Variants in PANK2 observed in about 807,000 individuals in gnomAD.
PANK2 encodes the protein pantothenate kinase 2.
Under a neutral mutation model 43.1 loss-of-function variants are expected in PANK2, and 36 were observed. That is an observed-to-expected ratio of 0.84 (90% CI 0.64 to 1.10). PANK2 has a LOEUF of 1.10. PANK2 is among the 50% of genes least tolerant of loss of function. The pLI, the probability that PANK2 is intolerant of heterozygous loss-of-function variation, is 0.00. For synonymous variants in PANK2, 281 were observed against 238.2 expected, an observed-to-expected ratio of 1.18 and a Z score of -1.66; for missense variants, 576 against 593.3, an observed-to-expected ratio of 0.97 and a Z score of 0.30.
intron 1 of PANK2, among the ~76,000 whole-genome samples, chr20:3,898,645 A>G (rs995333527): frequency 7.2e-5 from 11 of 152,040 alleles, no homozygotes; most frequent in Admixed American, 2.0e-4. Flanking sequence ...TTCCTTTTTA[A>G]TCCCAGAGTT....
In PANK2 at chr20:3,912,612, C is replaced by T; in HGVS notation, c.1060C>T (p.Pro354Ser). 1 of 1,613,916 alleles carries T rather than the reference C, an allele frequency of 6.2e-7. No homozygotes were observed. Among genetic ancestry groups the T allele is most frequent in the Non-Finnish European group, 8.5e-7 (1 of 1,179,956 alleles). Residue 354 changes from proline (P) to serine (S), a missense_variant, in exon 4 of 7, where the codon CCA (proline) becomes TCA (serine). Physicochemically the swap from Pro to Ser is moderately conservative, Grantham distance 74. Around this residue, in one of 2 missense-constraint regions of PANK2, gnomAD observed 544 missense variants for 528.9 expected, o/e 1.03. Transcript: ENST00000610179. ...AGGGGACTATGAGAGGTTTGGACTG[C>T]CAGGCTGGGCTGTGGCTTCAAGGTA...
At chr20:3,920,110 A>G (rs1483393177) in intron 6 of PANK2, among the ~76,000 whole-genome samples, 1 of 152,126 alleles carries the variant, frequency 6.6e-6, no homozygotes, top group African/African-American at 2.4e-5. Context: ...TTTGCTTTAT[A>G]TTAGAATTTT....
intron 6 of PANK2, among the ~76,000 whole-genome samples, chr20:3,922,365 G>A (rs1202350290): frequency 6.6e-6 from 1 of 152,186 alleles, no homozygotes. Context: ...GTTCTTGGTT[G>A]CATGTGACCT....
At chr20:3,888,943 A>AATTGT, upstream of PANK2, 1 of 576,060 alleles carries the variant, frequency 1.7e-6, no homozygotes, top group Non-Finnish European at 3.0e-6. Flanking sequence ...GCCGACGACC[A>AATTGT]GCGGCCAGAC....
chr20:3,918,937 G>A (rs985746848), intron 6 of PANK2, 141 bp downstream of exon 6: 34 of 1,402,458 alleles, frequency 2.4e-5, no homozygotes, highest in Non-Finnish European at 3.3e-5. Context: ...ACGGAGTCTC[G>A]CTCTGTCACC....
At chr20:3,906,538 A>G (rs2090388552) in intron 1 of PANK2, among the ~76,000 whole-genome samples, 1 of 152,222 alleles carries the variant, frequency 6.6e-6, no homozygotes, top group African/African-American at 2.4e-5. Flanking sequence ...ATATTAGCCT[A>G]CAGTTGGGCA....
rs143090515 is a variant in PANK2 at position 3,910,619 on chromosome 20, T to C, written c.694T>C (p.Leu232=). 41 of 1,614,156 alleles carry C rather than the reference T, an allele frequency of 2.5e-5. No homozygotes were observed. Among genetic ancestry groups the C allele is most frequent in the Non-Finnish European group, 3.4e-5 (40 of 1,180,002 alleles). ...TTGCAAACTGGATGAACTAGATTGCTTGATCAAAGGAATTTTATACATTGA... is the reference window on the plus strand; with the variant it reads ...TTGCAAACTGGATGAACTAGATTGCCTGATCAAAGGAATTTTATACATTGA... Residue 232 remains leucine (L), a synonymous_variant, in exon 3 of 7, where the codon TTG becomes CTG. Coordinates refer to ENST00000610179, the MANE Select transcript of PANK2 (RefSeq NM_001386393.1).
chr20:3,905,785 G>T (rs890635219), intron 1 of PANK2, among the ~76,000 whole-genome samples: 1 of 133,266 alleles, frequency 7.5e-6, no homozygotes, highest in Admixed American at 8.1e-5. Flanking sequence ...GTGCTGTCTT[G>T]GCTCACTGAA....
chr20:3,920,261 C>G (rs527646063), intron 6 of PANK2, among the ~76,000 whole-genome samples: 37 of 152,032 alleles, frequency 2.4e-4, no homozygotes, highest in Non-Finnish European at 4.7e-4. Context: ...TCTGTAATCC[C>G]AGCACTTTGG....
intron 4 of PANK2, among the ~76,000 whole-genome samples, chr20:3,913,897 T>C (rs1288736592): frequency 6.6e-6 from 1 of 151,796 alleles, no homozygotes; most frequent in Non-Finnish European, 1.5e-5. Context: ...CATGCCATTC[T>C]TCTGCTTCAG....
At position 3,918,619 on chromosome 20, in the gene PANK2, G is replaced by A. The variant is rs569872089; in HGVS notation, c.1207-52G>A. ...GTGCTGTATTTGGGGTAGCTTTTAT[G>A]AGAAAATAGAAATTAAGATGAAAAC... On this transcript the variant is annotated intron_variant, in intron 5 of 6. Coordinates refer to ENST00000610179, the MANE Select transcript of PANK2 (RefSeq NM_001386393.1). The A allele has an allele frequency of 8.7e-6, 14 of 1,612,036 alleles. No homozygotes were observed. In the East Asian group the frequency reaches 2.7e-4, roughly 31 times the overall value.
At chr20:3,899,202 C>T (rs1347977423) in intron 1 of PANK2, among the ~76,000 whole-genome samples, 6 of 146,176 alleles carry the variant, frequency 4.1e-5, no homozygotes, top group Non-Finnish European at 9.0e-5. Context: ...GATGGAGTCT[C>T]GCTCTGTCAT....
At position 3,892,673 on chromosome 20, in the gene PANK2, CAAA is replaced by C. The variant is rs763721845; in HGVS notation, c.298+2961_298+2963del. ...CCTGGGCGACAGAGCGACTCTGTCTCAAAAAAAAAAAAAAAAAAGCCTTACTCT... is the reference window on the plus strand; with the variant it reads ...CCTGGGCGACAGAGCGACTCTGTCTCAAAAAAAAAAAAAAAGCCTTACTCT... On this transcript the variant is annotated intron_variant, in intron 1 of 6. Coordinates refer to ENST00000610179, the MANE Select transcript of PANK2 (RefSeq NM_001386393.1). Among the ~76,000 whole-genome samples the C allele has an allele frequency of 5.4e-3, 568 of 104,350 alleles. 2 individuals carry two copies. The highest frequency in any genetic ancestry group is 0.021 in the African/African-American group (545 of 26,052). 68.5% of individuals were successfully genotyped at this position (104,350 alleles called of 152,430 possible). A position where few individuals can be genotyped will look rare whatever the true frequency, so the allele number is the denominator to read the frequency against.
chr20:3,889,352 C>T, upstream of PANK2: 1 of 1,586,042 alleles, frequency 6.3e-7, no homozygotes, highest in Non-Finnish European at 8.6e-7. Context: ...CGCGTTGGCG[C>T]AACGGAAGAG....
chr20:3,912,656 A>T, intron 4 of PANK2, 22 bp downstream of exon 4: 1 of 1,612,706 alleles, frequency 6.2e-7, no homozygotes, highest in African/African-American at 1.3e-5. Context: ...TGTGTGTTCT[A>T]AGAAATACAG....
chr20:3,921,493 A>G (rs1201089800), intron 6 of PANK2: 2 of 152,238 alleles, frequency 1.3e-5, no homozygotes, highest in African/African-American at 4.8e-5. Flanking sequence ...ATATATATAT[A>G]TAATGGTTAA....
At position 3,928,410 on chromosome 20, in the gene PANK2, C is replaced by A. The variant is rs964004006; in HGVS notation, c.*5116C>A. 6 of 152,050 alleles carry A rather than the reference C, an allele frequency of 3.9e-5. No homozygotes were observed. Among genetic ancestry groups the A allele is most frequent in the Admixed American group, 1.3e-4 (2 of 15,252 alleles). 9.4% of individuals were successfully genotyped at this position (152,050 alleles called of 1,614,324 possible). On this transcript the variant is annotated 3_prime_UTR_variant, in exon 7 of 7. Coordinates refer to ENST00000610179, the MANE Select transcript of PANK2 (RefSeq NM_001386393.1). ...GTCTGTGCCCCTACTCCCAGGGCTG[C>A]CTGGAGGAAGCAGCTCTAACTTTCA...
chr20:3,913,790 A>ATT (rs57042549), intron 4 of PANK2, among the ~76,000 whole-genome samples: 8,786 of 138,250 alleles, frequency 0.064, 478 homozygotes, highest in East Asian at 0.13. Flanking sequence ...ATATATATAT[A>ATT]TTTTTTTTTT....
At chr20:3,895,107 C>T (rs988548562) in intron 1 of PANK2, among the ~76,000 whole-genome samples, 4 of 151,886 alleles carry the variant, frequency 2.6e-5, no homozygotes, top group Admixed American at 1.3e-4. Flanking sequence ...AGCCAGACCT[C>T]GTCTCTCCAA....
Sources: gnomAD v4.1 joint callset for allele counts (sites outside exome capture counted in the v4.1 genomes callset) on GRCh38, gnomAD v4.1.1 for gene constraint, gnomAD v4.1.1 regional missense constraint, MANE v1.5 for transcripts, NCBI Gene and HGNC (gene_info 2026-07-23, HGNC 2026-07-21) for gene names.